HSDL2: variants seen among roughly 807,000 people sequenced by gnomAD.
HSDL2 encodes the protein hydroxysteroid dehydrogenase like 2.
In HSDL2, 27 loss-of-function variants were observed where a neutral mutation model predicts 46.3. The ratio of observed to expected loss-of-function variants is 0.58; its 90% CI spans 0.43 to 0.80. The LOEUF is 0.80. Among genes scored for constraint, HSDL2 ranks in the 30% least tolerant of loss-of-function variants. The probability of loss-of-function intolerance (pLI) is 0.00; values close to 1 mark genes in which losing one functional copy is unlikely to be tolerated. For missense variants in HSDL2, 451 were observed against 502.7 expected (o/e 0.90, Z 0.98); for synonymous variants, 153 against 163.6 (o/e 0.94, Z 0.50).
chr9:112,381,845 ACT>A (rs1831105480), intron 1 of HSDL2, among the ~76,000 whole-genome samples: 1 of 151,856 alleles, frequency 6.6e-6, no homozygotes, highest in Non-Finnish European at 1.5e-5. Context: ...TTTTTTGGAT[ACT>A]CTTTTTTTGC....
intron 8 of HSDL2, among the ~76,000 whole-genome samples, chr9:112,452,788 T>C (rs1483497828): frequency 6.6e-6 from 1 of 152,094 alleles, no homozygotes; most frequent in Non-Finnish European, 1.5e-5. Flanking sequence ...GGCAGCATCA[T>C]GATATGGGAG....
rs7095 is a variant in HSDL2, at chr9:112,472,114, G to C, written c.*1570G>C. ...TCAAAGTGAACTTAAAAATAGGACA[G>C]TTTCAACAAGTCAGGAGATTCACAG... is the stretch of plus-strand genomic sequence containing the variant. On this transcript the variant is annotated 3_prime_UTR_variant, in exon 11 of 11. Transcript: ENST00000398805. 0.075 allele frequency: 11,494 copies of C among 152,292 alleles called. 600 individuals are homozygous for C. The highest frequency in any genetic ancestry group is 0.12 in the Non-Finnish European group (8,028 of 68,032). 9.4% of individuals were successfully genotyped at this position (152,292 alleles called of 1,614,324 possible).
chr9:112,456,410 T>A (rs1157987215), intron 9 of HSDL2, among the ~76,000 whole-genome samples: 3 of 152,192 alleles, frequency 2.0e-5, no homozygotes, highest in Admixed American at 2.0e-4. Flanking sequence ...TCTGCAGCAT[T>A]TGATACTGTT....
At chr9:112,465,693 T>C (rs948123338) in intron 10 of HSDL2, among the ~76,000 whole-genome samples, 1 of 152,246 alleles carries the variant, frequency 6.6e-6, no homozygotes, top group Non-Finnish European at 1.5e-5. Context: ...TTTAGCATAA[T>C]GTTTTTGAGG....
chr9:112,386,608 T>A (rs1831222117), intron 1 of HSDL2, among the ~76,000 whole-genome samples: 2 of 140,256 alleles, frequency 1.4e-5, no homozygotes, highest in Non-Finnish European at 3.1e-5. Flanking sequence ...ACAGTAAGAC[T>A]CTGTCTCTAC....
At chr9:112,387,432 C>T (rs997045029) in intron 1 of HSDL2, among the ~76,000 whole-genome samples, 3 of 152,044 alleles carry the variant, frequency 2.0e-5, no homozygotes, top group Non-Finnish European at 2.9e-5. Flanking sequence ...GTTGCCCAGG[C>T]TGGTCTCAAA....
At chr9:112,422,595 G>C (rs1194174786) in intron 6 of HSDL2, among the ~76,000 whole-genome samples, 1 of 152,208 alleles carries the variant, frequency 6.6e-6, no homozygotes, top group African/African-American at 2.4e-5. Flanking sequence ...TAAATGGAGA[G>C]AGACTTAGAA....
intron 8 of HSDL2, among the ~76,000 whole-genome samples, chr9:112,451,444 T>G (rs1229355149): frequency 1.3e-5 from 2 of 152,194 alleles, no homozygotes; most frequent in Admixed American, 1.3e-4. Context: ...ACATTTATGT[T>G]TTCAAATTGT....
intron 8 of HSDL2, among the ~76,000 whole-genome samples, chr9:112,445,561 A>G (rs1485797768): frequency 3.3e-5 from 5 of 151,242 alleles, no homozygotes; most frequent in African/African-American, 9.7e-5. Context: ...CAGAGTCTCT[A>G]TCACCCTGGC....
At chr9:112,422,058 A>G (rs185056178) in intron 6 of HSDL2, among the ~76,000 whole-genome samples, 15 of 152,280 alleles carry the variant, frequency 9.9e-5, no homozygotes, top group African/African-American at 3.4e-4. Context: ...AGTATTTCCT[A>G]TCCTTGAGGA....
rs200143255 is a variant in HSDL2 at position 112,454,063 on chromosome 9, C to T, written c.916C>T (p.Arg306Cys). ...EEKLQLQPKP[R>C]SGAVEETFRI... Reference sequence around the variant, plus strand: ...GAAACTGCAGCTGCAACCAAAACCACGTTCTGGAGCTGTGGAAGAAACATT... The same window carrying T: ...GAAACTGCAGCTGCAACCAAAACCATGTTCTGGAGCTGTGGAAGAAACATT... The change falls in exon 9 of 11, where the codon CGT (arginine) becomes TGT (cysteine). Residue 306 changes from arginine (R) to cysteine (C), a missense_variant. By Grantham distance (180) the Arg-to-Cys change is radical. Coordinates refer to ENST00000398805, the MANE Select transcript of HSDL2 (RefSeq NM_032303.5). 5.1e-5 allele frequency: 82 copies of T among 1,613,746 alleles called. No individual in the cohort carries two copies. Among genetic ancestry groups the T allele is most frequent in the Middle Eastern group, 3.3e-4 (2 of 6,062 alleles).
intron 6 of HSDL2, among the ~76,000 whole-genome samples, chr9:112,425,240 G>A (rs1832219508): frequency 6.6e-6 from 1 of 152,028 alleles, no homozygotes. Flanking sequence ...TACTTGATTT[G>A]CTGGAAATTT....
intron 4 of HSDL2, 26 bp downstream of exon 4, chr9:112,409,047 G>A: frequency 7.7e-7 from 1 of 1,303,566 alleles, no homozygotes; most frequent in Non-Finnish European, 1.1e-6. Context: ...GAGTTGTTGG[G>A]GAGGAAGTTG....
At chr9:112,449,115 C>G (rs1439795557) in intron 8 of HSDL2, among the ~76,000 whole-genome samples, 1 of 142,014 alleles carries the variant, frequency 7.0e-6, no homozygotes, top group Non-Finnish European at 1.5e-5. Flanking sequence ...AAGACAAAGT[C>G]TCACTCTGTC....
chr9:112,419,175 A>AT (rs11393437), intron 6 of HSDL2, among the ~76,000 whole-genome samples: 142,687 of 151,876 alleles, frequency 0.94, 67,115 homozygotes, highest in African/African-American at 0.98. Context: ...TGCCTGGCTA[A>AT]TTTTTGTATT....
intron 1 of HSDL2, among the ~76,000 whole-genome samples, chr9:112,383,970 G>A (rs555519561): frequency 4.3e-4 from 66 of 152,176 alleles, no homozygotes; most frequent in Non-Finnish European, 7.1e-4. Flanking sequence ...CGAAGTGCTA[G>A]GATTACAGAT....
intron 9 of HSDL2, among the ~76,000 whole-genome samples, chr9:112,454,715 TA>T (rs1283346489): frequency 5.3e-5 from 8 of 152,086 alleles, no homozygotes; most frequent in Non-Finnish European, 1.2e-4. Flanking sequence ...AATTTATAAT[TA>T]TTTTTTTGCA....
rs377303272 is a variant in HSDL2, at chr9:112,404,557, C to G, written c.181+399C>G. On this transcript the variant is annotated intron_variant, in intron 2 of 10. Transcript: ENST00000398805. ...TCTTAAAAAAAAAAAAATCTTGGTT[C>G]TTGAGGGCAGTGGTTCTTGGATGGG... 1.3e-3 allele frequency among the ~76,000 whole-genome samples: 191 copies of G among 151,562 alleles called. 6 individuals are homozygous for G. The South Asian group carries it at 0.038, about 30-fold the overall frequency.
rs1031796511 is a variant in HSDL2 at position 112,447,384 on chromosome 9, A to G, written c.865+5614A>G. 3.3e-5 allele frequency among the ~76,000 whole-genome samples: 5 copies of G among 152,054 alleles called. No homozygotes were observed. In the South Asian group the frequency reaches 8.3e-4, roughly 25 times the overall value. ...AAATTATGCAGTTTATCTCTTGGCA[A>G]ATGTCTTTCAGGGATAAACTAAAGT... is the stretch of plus-strand genomic sequence containing the variant. On this transcript the variant is annotated intron_variant, in intron 8 of 10. Transcript: ENST00000398805.
Sources: gnomAD v4.1 joint callset for allele counts (sites outside exome capture counted in the v4.1 genomes callset) on GRCh38, gnomAD v4.1.1 for gene constraint, MANE v1.5 for transcripts, NCBI Gene and HGNC (gene_info 2026-07-23, HGNC 2026-07-21) for gene names.